The following ADGRB2 variants were observed in gnomAD, a reference collection of about 807,000 sequenced individuals.
ADGRB2 encodes the protein adhesion G protein-coupled receptor B2.
ADGRB2 carries 47 observed loss-of-function variants against 178.7 expected under a neutral mutation model. The observed-to-expected ratio is 0.26, with a 90% CI of 0.21 to 0.34. ADGRB2 has a LOEUF of 0.34. Among genes scored for constraint, ADGRB2 ranks in the 10% least tolerant of loss-of-function variants. ADGRB2 has a pLI of 1.00. For synonymous variants in ADGRB2, 870 were observed against 912.4 expected (o/e 0.95, Z 0.84); for missense variants, 1,584 against 2,180.8 (o/e 0.73, Z 5.45).
chr1:31,738,949 G>T lies in ADGRB2; in HGVS notation c.2496-12C>A. ...CGGCCAGCGGGGGCCTGCGGGACAG[G>T]TACCGAAGTCAGCTCCTGCCAGCGG... On this transcript the variant is annotated splice_polypyrimidine_tract_variant and intron_variant, in intron 15 of 32. Coordinates refer to ENST00000373658, the MANE Select transcript of ADGRB2 (RefSeq NM_001364857.2). 6.3e-7 allele frequency: 1 copy of T among 1,598,082 alleles called. No homozygotes were observed. The highest frequency in any genetic ancestry group is 8.6e-7 in the Non-Finnish European group (1 of 1,169,126).
chr1:31,738,063 T>C, intron 18 of ADGRB2, 137 bp downstream of exon 18: 3 of 1,324,258 alleles, frequency 2.3e-6, no homozygotes, highest in Non-Finnish European at 3.1e-6. Context: ...GGCACAGACA[T>C]CCACGTACAA....
intron 4 of ADGRB2, among the ~76,000 whole-genome samples, chr1:31,748,653 C>A (rs544796006): frequency 6.6e-6 from 1 of 152,368 alleles, no homozygotes; most frequent in African/African-American, 2.4e-5. Flanking sequence ...GTGAGCTCAG[C>A]GGCTTGTGGG....
In ADGRB2 at chr1:31,753,501, G is replaced by A. The variant is rs1394958165; in HGVS notation, c.838+2498C>T. On this transcript the variant is annotated intron_variant, in intron 4 of 32. Transcript: ENST00000373658. The surrounding 1 kb of genome is among the most constrained non-coding windows in gnomAD (Gnocchi z 4.1). ...GGCCTCACTGTGGATCTTCCTCGGG[G>A]GTGTCCCAGAGAAGATGAACACAGC... Among the ~76,000 whole-genome samples the A allele has an allele frequency of 6.6e-6, 1 of 152,190 alleles. No homozygotes were observed. Among genetic ancestry groups the A allele is most frequent in the Non-Finnish European group, 1.5e-5 (1 of 68,036 alleles).
Position 31,739,375 on chromosome 1 carries a change from C to T in ADGRB2, c.2428G>A (p.Glu810Lys). The T allele has an allele frequency of 6.6e-7, 1 of 1,524,210 alleles. No individual in the cohort carries two copies. Among genetic ancestry groups the T allele is most frequent in the Non-Finnish European group, 8.8e-7 (1 of 1,134,690 alleles). 94.4% of individuals were successfully genotyped at this position (1,524,210 alleles called of 1,614,324 possible). ...GCACCGATCACAAAGTAGGAGGACTCATCAGGGTCTGCTGGGAGGAGGCGC... is the reference window on the plus strand; with the variant it reads ...GCACCGATCACAAAGTAGGAGGACTTATCAGGGTCTGCTGGGAGGAGGCGC... ...HQRLLPADPD[E>K]SSYFVIGAVL... The change falls in exon 15 of 33, where the codon GAG (glutamate) becomes AAG (lysine). Residue 810 changes from glutamate (E) to lysine (K), a missense_variant. Glu to Lys is a moderately conservative substitution (Grantham distance 56). Transcript: ENST00000373658.
Position 31,737,716 on chromosome 1 carries a change from T to C in ADGRB2, c.2812A>G (p.Ile938Val). 6.2e-7 allele frequency: 1 copy of C among 1,613,658 alleles called. No individual in the cohort carries two copies. Among genetic ancestry groups the C allele is most frequent in the East Asian group, 2.2e-5 (1 of 44,882 alleles). Residue 938 changes from isoleucine (I) to valine (V), a missense_variant, in exon 19 of 33, where the codon ATC becomes GTC. Coordinates refer to ENST00000373658, the MANE Select transcript of ADGRB2 (RefSeq NM_001364857.2). Reference protein sequence around the residue: ...LAGSPSVPLVIGCAVSCMALL... With the variant: ...LAGSPSVPLVVGCAVSCMALL... ...GCCATGCACGACACTGCACAGCCGA[T>C]CACCAGGGGGACCGAGGGGGAGCCC...
chr1:31,745,412 C>G (rs1461053096), intron 4 of ADGRB2, among the ~76,000 whole-genome samples: 2 of 152,208 alleles, frequency 1.3e-5, no homozygotes, highest in East Asian at 1.9e-4. Flanking sequence ...AGCAGGTGCT[C>G]GAGGAGGCCA....
At position 31,735,350 on chromosome 1, in the gene ADGRB2, A is replaced by G. The variant is rs1190734463; in HGVS notation, c.3354-69T>C. ...GGAAGCCGGGAGATGGGGCAGAATG[A>G]GCCCCGAGTGGGGTGGGAGGGGAGG... On this transcript the variant is annotated intron_variant, in intron 24 of 32. Coordinates refer to ENST00000373658, the MANE Select transcript of ADGRB2 (RefSeq NM_001364857.2). This position sits in a 1 kb window ranked among gnomAD's most constrained non-coding sequence, Gnocchi z 6.0. The G allele has an allele frequency of 1.1e-5, 8 of 702,056 alleles. No homozygotes were observed. Among genetic ancestry groups the G allele is most frequent in the Non-Finnish European group, 1.8e-5 (8 of 434,788 alleles). 43.5% of individuals were successfully genotyped at this position (702,056 alleles called of 1,614,324 possible).
chr1:31,735,694 A>T lies in ADGRB2; in HGVS notation c.3268-29T>A. ...GGGGCCCAGTAGAGTGGAGTGGGGGAGACAGGATCACCAGGTGCCCTCCTG... is the reference window on the plus strand; with the variant it reads ...GGGGCCCAGTAGAGTGGAGTGGGGGTGACAGGATCACCAGGTGCCCTCCTG... On this transcript the variant is annotated intron_variant, in intron 23 of 32. Coordinates refer to ENST00000373658, the MANE Select transcript of ADGRB2 (RefSeq NM_001364857.2). The surrounding 1 kb of genome is among the most constrained non-coding windows in gnomAD (Gnocchi z 6.0). 6.3e-7 allele frequency: 1 copy of T among 1,578,062 alleles called. No individual in the cohort carries two copies.
At position 31,738,257 on chromosome 1, in the gene ADGRB2, G is replaced by A. The variant is rs1486122733; in HGVS notation, c.2715C>T (p.Arg905=). ...AGGTGGACAGGTGCTGGCACTGGCA[G>A]CGGGTGTGAGCTGCCTGGGTCTCCA... The part of the protein sequence containing the change: ...QTLETQAAHT[R]CQCQHLSTFA... Residue 905 remains arginine, a synonymous_variant, in exon 18 of 33, where the codon CGC becomes CGT. Coordinates refer to ENST00000373658, the MANE Select transcript of ADGRB2 (RefSeq NM_001364857.2). 6.8e-5 allele frequency: 110 copies of A among 1,614,000 alleles called. No individual in the cohort carries two copies. Among genetic ancestry groups the A allele is most frequent in the Non-Finnish European group, 9.3e-5 (110 of 1,180,022 alleles).
Position 31,731,173 on chromosome 1 carries a change from T to C in ADGRB2, c.4007A>G (p.Asp1336Gly). 1 of 1,598,386 alleles carries C rather than the reference T, an allele frequency of 6.3e-7. No individual in the cohort carries two copies. Among genetic ancestry groups the C allele is most frequent in the Non-Finnish European group, 8.5e-7 (1 of 1,173,186 alleles). The change falls in exon 29 of 33, where the codon GAC (aspartate) becomes GGC (glycine). Residue 1336 changes from aspartate (D) to glycine (G), a missense_variant. Coordinates refer to ENST00000373658, the MANE Select transcript of ADGRB2 (RefSeq NM_001364857.2). ...MCGEGGLRQL[D>G]LTWLRPTEPG... ...CTCAGTGGGCCGCAGCCATGTGAGGTCCAGCTGCCGCAGGCCACCCTCCCC... is the reference window on the plus strand; with the variant it reads ...CTCAGTGGGCCGCAGCCATGTGAGGCCCAGCTGCCGCAGGCCACCCTCCCC...
In ADGRB2 at chr1:31,741,793, G is replaced by C. The variant is rs755018579; in HGVS notation, c.1585+7C>G. ...GCCCCCAGCCCCCAGGGTCATTAGGGCAGTACCTGGACACCTCTTCTCACT... is the reference window on the plus strand; with the variant it reads ...GCCCCCAGCCCCCAGGGTCATTAGGCCAGTACCTGGACACCTCTTCTCACT... On this transcript the variant is annotated splice_region_variant and intron_variant, in intron 9 of 32. Transcript: ENST00000373658. This position sits in a 1 kb window ranked among gnomAD's most constrained non-coding sequence, Gnocchi z 6.5. 8 of 1,594,838 alleles carry C rather than the reference G, an allele frequency of 5.0e-6. No homozygotes were observed. In the African/African-American group the frequency reaches 9.4e-5, roughly 19 times the overall value.
Position 31,737,457 on chromosome 1 carries a change from A to G in ADGRB2, c.2951T>C (p.Leu984Pro), listed in dbSNP as rs1645679063. 1 of 1,614,010 alleles carries G rather than the reference A, an allele frequency of 6.2e-7. No individual in the cohort carries two copies. The highest frequency in any genetic ancestry group is 8.5e-7 in the Non-Finnish European group (1 of 1,180,018). ...GCTCAGCACCCGGGACTGGCCCACG[A>G]GGATCAGGATGTTGGATGCCAAGAT... is the stretch of plus-strand genomic sequence containing the variant. ...LSILASNILI[L>P]VGQSRVLSKG... The change falls in exon 20 of 33, where the codon CTC becomes CCC. Residue 984 changes from leucine (L) to proline (P), a missense_variant. Coordinates refer to ENST00000373658, the MANE Select transcript of ADGRB2 (RefSeq NM_001364857.2).
In ADGRB2 at chr1:31,733,020, G is replaced by A. The variant is rs771239503; in HGVS notation, c.3576C>T (p.Ser1192=). ...CAGCAGTGATGACAAAGCCCTGCGC[G>A]GAGTTGAAGACAGCAAAGAGGGCCT... ...LFQALFAVFN[S]AQGFVITAVH... The change falls in exon 26 of 33, where the codon TCC becomes TCT. Residue 1192 remains serine, a synonymous_variant. Coordinates refer to ENST00000373658, the MANE Select transcript of ADGRB2 (RefSeq NM_001364857.2). The surrounding 1 kb of genome is among the most constrained non-coding windows in gnomAD (Gnocchi z 4.3). The A allele has an allele frequency of 1.2e-4, 189 of 1,570,716 alleles. No homozygotes were observed. The highest frequency in any genetic ancestry group is 1.7e-4 in the Middle Eastern group (1 of 5,998).
intron 4 of ADGRB2, among the ~76,000 whole-genome samples, chr1:31,750,179 C>T (rs961443834): frequency 1.3e-5 from 2 of 152,182 alleles, no homozygotes; most frequent in South Asian, 2.1e-4. Flanking sequence ...ACAGTGGTTT[C>T]GATATGCTGG....
chr1:31,756,139 G>C lies in ADGRB2; in HGVS notation c.698C>G (p.Ser233Cys). ...AGGGCCTGGAGATGTGGTGGTGGTGGAGCCGGCCCCCGCCTCTCCAGGGCA... is the reference window on the plus strand; with the variant it reads ...AGGGCCTGGAGATGTGGTGGTGGTGCAGCCGGCCCCCGCCTCTCCAGGGCA... ...CSCPGEAGAG[S>C]TTTTSPGPPA... is the part of the protein sequence containing the mutation. The change falls in exon 4 of 33, where the codon TCC (serine) becomes TGC (cysteine). Residue 233 changes from serine (S) to cysteine (C), a missense_variant. Ser to Cys is a moderately radical substitution (Grantham distance 112). Around this residue, in one of 3 missense-constraint regions of ADGRB2, gnomAD observed 657 missense variants for 847.6 expected, o/e 0.78. Coordinates refer to ENST00000373658, the MANE Select transcript of ADGRB2 (RefSeq NM_001364857.2). This position sits in a 1 kb window ranked among gnomAD's most constrained non-coding sequence, Gnocchi z 8.5. The C allele has an allele frequency of 6.2e-7, 1 of 1,613,274 alleles. No homozygotes were observed. The highest frequency in any genetic ancestry group is 8.5e-7 in the Non-Finnish European group (1 of 1,179,814).
intron 16 of ADGRB2, 97 bp from the exon 17 acceptor site, chr1:31,738,727 T>TC (rs1645767093): frequency 6.3e-7 from 1 of 1,594,732 alleles, no homozygotes; most frequent in African/African-American, 1.3e-5. Context: ...CCCACACAGG[T>TC]CCAGGGTTCA....
chr1:31,742,007 C>G, intron 8 of ADGRB2, 40 bp from the exon 9 acceptor site: 1 of 1,586,030 alleles, frequency 6.3e-7, no homozygotes, highest in African/African-American at 1.3e-5. Context: ...CCCAGGTACC[C>G]CCATGGTCAG....
intron 1 of ADGRB2, among the ~76,000 whole-genome samples, chr1:31,757,937 G>A (rs12726446): frequency 3.3e-5 from 5 of 152,136 alleles, no homozygotes; most frequent in Non-Finnish European, 7.4e-5. Flanking sequence ...ACCCAAGCCC[G>A]ACCCATACAG....
At position 31,739,961 on chromosome 1, in the gene ADGRB2, G is replaced by C. The variant is rs1349749217; in HGVS notation, c.2132C>G (p.Ala711Gly). 1 of 1,614,020 alleles carries C rather than the reference G, an allele frequency of 6.2e-7. No individual in the cohort carries two copies. The highest frequency in any genetic ancestry group is 1.3e-5 in the African/African-American group (1 of 74,918). ...TGTGACAATCAGAGAGCTCTGGAAG[G>C]CCTTGAGAGCATCGCCCACCAGGTG... ...FIHLVGDALK[A>G]FQSSLIVTDN... The change falls in exon 14 of 33, where the codon GCC (alanine) becomes GGC (glycine). Residue 711 changes from alanine (A) to glycine (G), a missense_variant. This residue lies in a region of ADGRB2 where 62 missense variants were observed against 140.3 expected (regional missense o/e 0.44). Transcript: ENST00000373658.
Sources: allele counts gnomAD v4.1 joint callset (sites outside exome capture counted in the v4.1 genomes callset), GRCh38; gene constraint gnomAD v4.1.1; regional missense constraint gnomAD v4.1.1; non-coding constraint Gnocchi (gnomAD v3.1); transcripts MANE v1.5; gene names NCBI Gene and HGNC (gene_info 2026-07-23, HGNC 2026-07-21).